PSEN1: variants seen among roughly 807,000 people sequenced by gnomAD.
The protein encoded by PSEN1 is presenilin 1.
A neutral mutation model predicts 53.5 loss-of-function variants in PSEN1; 15 were observed. The observed-to-expected ratio is 0.28, with a 90% CI of 0.19 to 0.43. PSEN1 has a LOEUF of 0.43. Ranked by LOEUF, PSEN1 falls within the 20% of genes least tolerant of loss-of-function variation. The pLI, the probability that PSEN1 is intolerant of heterozygous loss-of-function variation, is 1.00. For missense variants in PSEN1, 387 were observed against 571.2 expected (o/e 0.68, Z 3.29); for synonymous variants, 208 against 209.8 (o/e 0.99, Z 0.08).
chr14:73,211,650 C>A, intron 9 of PSEN1, 119 bp from the exon 10 acceptor site: 2 of 1,048,700 alleles, frequency 1.9e-6, no homozygotes, highest in Non-Finnish European at 2.9e-6. Context: ...ACAGCCCATG[C>A]TTTGTGGTTT....
intron 6 of PSEN1, among the ~76,000 whole-genome samples, chr14:73,191,311 A>G (rs946873378): frequency 6.6e-6 from 1 of 152,058 alleles, no homozygotes; most frequent in African/African-American, 2.4e-5. Context: ...GGGATCCTAT[A>G]TTTTTTCAAG....
At chr14:73,167,300 G>T (rs1354439737) in intron 3 of PSEN1, among the ~76,000 whole-genome samples, 2 of 152,282 alleles carry the variant, frequency 1.3e-5, no homozygotes, top group East Asian at 3.9e-4. Flanking sequence ...AATTCAAAGT[G>T]CTCCCAAATC....
chr14:73,208,227 G>T (rs1299153539), intron 9 of PSEN1, among the ~76,000 whole-genome samples: 1 of 152,210 alleles, frequency 6.6e-6, no homozygotes, highest in Non-Finnish European at 1.5e-5. Flanking sequence ...GCACGTTTCA[G>T]CCCTGTTTGT....
At chr14:73,139,786 G>T (rs1896865926) in intron 1 of PSEN1, among the ~76,000 whole-genome samples, 1 of 152,116 alleles carries the variant, frequency 6.6e-6, no homozygotes, top group Admixed American at 6.6e-5. Flanking sequence ...TCAAGTGTGT[G>T]CTTATATAGA....
At chr14:73,155,850 CTG>C (rs1485405868) in intron 3 of PSEN1, among the ~76,000 whole-genome samples, 1 of 152,130 alleles carries the variant, frequency 6.6e-6, no homozygotes, top group Middle Eastern at 3.2e-3. Flanking sequence ...CTGTCATTAT[CTG>C]TTTATACAAA....
intron 5 of PSEN1, among the ~76,000 whole-genome samples, chr14:73,184,322 C>T (rs866645262): frequency 1.3e-4 from 14 of 110,342 alleles, no homozygotes; most frequent in African/African-American, 5.2e-4. Flanking sequence ...ACCTCCCTCC[C>T]GGACGGGGCG....
At chr14:73,167,779 A>G (rs989781650) in intron 3 of PSEN1, 1 of 150,828 alleles carries the variant, frequency 6.6e-6, no homozygotes, top group African/African-American at 2.4e-5. Context: ...GGGGTTGGAT[A>G]AGAAAAGTTT....
intron 9 of PSEN1, chr14:73,208,979 G>A (rs768075288): frequency 2.3e-6 from 1 of 430,002 alleles, no homozygotes; most frequent in Non-Finnish European, 4.7e-6. Context: ...AAGTCCAGAG[G>A]GGGCCAAGGT....
At chr14:73,208,466 A>G (rs1899543523) in intron 9 of PSEN1, among the ~76,000 whole-genome samples, 1 of 151,706 alleles carries the variant, frequency 6.6e-6, no homozygotes, top group Non-Finnish European at 1.5e-5. Flanking sequence ...CAGGCAGGTC[A>G]TCCTGATGTC....
At chr14:73,144,449 A>G (rs749613267) in intron 1 of PSEN1, among the ~76,000 whole-genome samples, 3 of 152,230 alleles carry the variant, frequency 2.0e-5, no homozygotes, top group Admixed American at 6.5e-5. Flanking sequence ...GAAGTTTAAG[A>G]TCTCATTTAC....
intron 5 of PSEN1, among the ~76,000 whole-genome samples, chr14:73,181,166 G>A (rs537239950): frequency 7.2e-5 from 11 of 152,282 alleles, no homozygotes; most frequent in Middle Eastern, 3.4e-3. Context: ...TCAGCTGGGC[G>A]TGGTGGCTCA....
chr14:73,208,870 C>T (rs1482599957), intron 9 of PSEN1: 1 of 455,180 alleles, frequency 2.2e-6, no homozygotes, highest in African/African-American at 2.0e-5. Context: ...CTATAGCTCC[C>T]ATGGCACCCA....
chr14:73,191,542 A>G (rs1037896954), intron 6 of PSEN1, among the ~76,000 whole-genome samples: 8 of 149,394 alleles, frequency 5.4e-5, no homozygotes, highest in African/African-American at 2.0e-4. Context: ...ACGTACATAT[A>G]TTTTTTTTTT....
At chr14:73,150,764 CAAAAAA>C (rs35747435) in intron 3 of PSEN1, among the ~76,000 whole-genome samples, 2 of 35,924 alleles carry the variant, frequency 5.6e-5, no homozygotes, top group African/African-American at 2.3e-4. Flanking sequence ...GACTCTGTCT[CAAAAAA>C]AAAAAAAAAA....
chr14:73,183,271 C>G (rs909303942), intron 5 of PSEN1, among the ~76,000 whole-genome samples: 7 of 151,100 alleles, frequency 4.6e-5, no homozygotes, highest in African/African-American at 1.7e-4. Context: ...GTGTGTGCCA[C>G]TATGTCTGGC....
At chr14:73,210,819 C>CAG (rs1899647159) in intron 9 of PSEN1, among the ~76,000 whole-genome samples, 2 of 152,148 alleles carry the variant, frequency 1.3e-5, no homozygotes, top group South Asian at 4.1e-4. Flanking sequence ...CTGCTCTGAA[C>CAG]ATGTATTACT....
chr14:73,146,703 G>GA (rs969538706), intron 1 of PSEN1, among the ~76,000 whole-genome samples: 2 of 151,722 alleles, frequency 1.3e-5, no homozygotes, highest in East Asian at 1.9e-4. Context: ...ATCATTAGAA[G>GA]AAAAAAAATG....
rs141187583 is a variant in PSEN1 at position 73,144,647 on chromosome 14, A to G, written c.-135-3148A>G. 2.0e-5 allele frequency among the ~76,000 whole-genome samples: 3 copies of G among 152,280 alleles called. No homozygotes were observed. In the East Asian group the frequency reaches 5.8e-4, roughly 29 times the overall value. On this transcript the variant is annotated intron_variant, in intron 1 of 11. Transcript: ENST00000324501. ...AACTTCTGTGTGCCACACTGTTTTC[A>G]TCTGTAAAAGGATAAAGGGAATATC...
intron 1 of PSEN1, among the ~76,000 whole-genome samples, chr14:73,140,414 T>A (rs1459114409): frequency 6.6e-6 from 1 of 151,902 alleles, no homozygotes; most frequent in Non-Finnish European, 1.5e-5. Flanking sequence ...TGTCACCATA[T>A]TGGCCAGGCT....
Sources: allele counts gnomAD v4.1 joint callset (sites outside exome capture counted in the v4.1 genomes callset), GRCh38; gene constraint gnomAD v4.1.1; transcripts MANE v1.5; gene names NCBI Gene and HGNC (gene_info 2026-07-23, HGNC 2026-07-21).